GML: variants seen among roughly 807,000 people sequenced by gnomAD.
GML encodes glycosyl-phosphatidylinositol-anchored molecule-like protein.
GML carries 5 observed loss-of-function variants against 8.2 expected under a neutral mutation model. The ratio of observed to expected loss-of-function variants is 0.61; its 90% CI spans 0.32 to 1.28. GML has a LOEUF of 1.28. Among genes scored for constraint, GML ranks in the 50% most tolerant of loss-of-function variants. The probability of loss-of-function intolerance (pLI) is 0.06; values close to 1 mark genes in which losing one functional copy is unlikely to be tolerated. For missense variants in GML, 191 were observed against 198.3 expected (o/e 0.96, Z 0.22); for synonymous variants, 72 against 69.0 (o/e 1.04, Z -0.22).
intron 1 of GML, among the ~76,000 whole-genome samples, chr8:142,838,686 C>T (rs1039866552): frequency 2.0e-5 from 3 of 152,130 alleles, no homozygotes; most frequent in African/African-American, 7.2e-5. Flanking sequence ...TTTTCTAGCC[C>T]ACTCTGCTTC....
intron 3 of GML, among the ~76,000 whole-genome samples, chr8:142,846,005 T>C (rs1193495985): frequency 6.6e-6 from 1 of 152,236 alleles, no homozygotes; most frequent in East Asian, 1.9e-4. Context: ...AAGGTCCATG[T>C]GATCTCTAGA....
intron 1 of GML, among the ~76,000 whole-genome samples, chr8:142,838,369 G>A (rs1292511834): frequency 6.6e-6 from 1 of 152,096 alleles, no homozygotes; most frequent in Non-Finnish European, 1.5e-5. Context: ...TGTGCCTCTG[G>A]TTATCTGTGG....
intron 3 of GML, among the ~76,000 whole-genome samples, 184 bp from the exon 4 acceptor site, chr8:142,846,211 A>G (rs1408031238): frequency 6.6e-6 from 1 of 152,224 alleles, no homozygotes; most frequent in Non-Finnish European, 1.5e-5. Context: ...TCTGGGAGTG[A>G]TGAGACCCGC....
intron 1 of GML, among the ~76,000 whole-genome samples, chr8:142,838,677 T>C (rs942497946): frequency 2.0e-5 from 3 of 152,200 alleles, no homozygotes; most frequent in African/African-American, 4.8e-5. Context: ...TGATCCACAT[T>C]TTCTAGCCCA....
At position 142,846,745 on chromosome 8, in the gene GML, C is replaced by A; in HGVS notation, c.*55C>A. The A allele has an allele frequency of 7.5e-7, 1 of 1,326,210 alleles. No homozygotes were observed. Among genetic ancestry groups the A allele is most frequent in the Non-Finnish European group, 1.1e-6 (1 of 935,140 alleles). 82.2% of individuals were successfully genotyped at this position (1,326,210 alleles called of 1,614,324 possible). On this transcript the variant is annotated 3_prime_UTR_variant, in exon 4 of 4. Coordinates refer to ENST00000220940, the MANE Select transcript of GML (RefSeq NM_002066.3). Reference sequence around the variant, plus strand: ...TCACCTGTTCCGCAGAGAAATGTTGCTCTCCATTATTCCCTTCTAAGCCAG... The same window carrying A: ...TCACCTGTTCCGCAGAGAAATGTTGATCTCCATTATTCCCTTCTAAGCCAG...
intron 1 of GML, among the ~76,000 whole-genome samples, chr8:142,838,949 T>C (rs1172619138): frequency 6.6e-6 from 1 of 152,160 alleles, no homozygotes. Context: ...TGGAAATCAG[T>C]GAACACACTT....
At position 142,837,120 on chromosome 8, in the gene GML, C is replaced by A. The variant is rs564899460; in HGVS notation, c.-23+2252C>A. ...ACCAGCGTGGCCAACATAGTGAAAC[C>A]CCGTCTCTACTAAAAATACAAAAAT... On this transcript the variant is annotated intron_variant, in intron 1 of 3. Coordinates refer to ENST00000220940, the MANE Select transcript of GML (RefSeq NM_002066.3). 3.7e-3 allele frequency among the ~76,000 whole-genome samples: 561 copies of A among 151,772 alleles called. 1 individual carries two copies. The highest frequency in any genetic ancestry group is 0.013 in the African/African-American group (525 of 41,208).
At chr8:142,843,520 G>A (rs1303766180) in intron 3 of GML, among the ~76,000 whole-genome samples, 2 of 152,180 alleles carry the variant, frequency 1.3e-5, no homozygotes, top group East Asian at 1.9e-4. Flanking sequence ...AGGTAGTTCA[G>A]TTAGGCAAGA....
At chr8:142,840,816 C>A (rs1166937185) in intron 2 of GML, among the ~76,000 whole-genome samples, 1 of 152,144 alleles carries the variant, frequency 6.6e-6, no homozygotes, top group African/African-American at 2.4e-5. Context: ...TGTGAGTATC[C>A]AGTCTTCCTT....
Position 142,846,607 on chromosome 8 carries a change from C to T in GML, c.394C>T (p.Leu132Phe). ...ACCCGATGAAGTAACTGAGGAGGAG[C>T]TTCCAGAAGGAACTGTGAGGCTGGG... ...MLPDEVTEEE[L>F]PEGTVRLGVS... is the part of the protein sequence containing the mutation. Residue 132 changes from leucine to phenylalanine, a missense_variant, in exon 4 of 4, where the codon CTT becomes TTT. Leu to Phe is a conservative substitution (Grantham distance 22). Coordinates refer to ENST00000220940, the MANE Select transcript of GML (RefSeq NM_002066.3). The T allele has an allele frequency of 3.7e-6, 6 of 1,613,846 alleles. No homozygotes were observed. Among genetic ancestry groups the T allele is most frequent in the South Asian group, 1.1e-5 (1 of 91,078 alleles).
intron 3 of GML, among the ~76,000 whole-genome samples, chr8:142,841,750 C>T (rs1382086091): frequency 6.6e-6 from 1 of 152,156 alleles, no homozygotes. Flanking sequence ...TGCCCTCTCT[C>T]CCCAGGGCCC....
chr8:142,841,384 A>G (rs1816432940), intron 3 of GML, among the ~76,000 whole-genome samples, 159 bp downstream of exon 3: 1 of 152,070 alleles, frequency 6.6e-6, no homozygotes, highest in Non-Finnish European at 1.5e-5. Flanking sequence ...CTTTGGTCTC[A>G]GCCTCATGAT....
chr8:142,846,622 G>T lies in GML; in HGVS notation c.409G>T (p.Val137Leu). 6.2e-7 allele frequency: 1 copy of T among 1,614,056 alleles called. No homozygotes were observed. The highest frequency in any genetic ancestry group is 2.2e-5 in the East Asian group (1 of 44,876). The change falls in exon 4 of 4, where the codon GTG becomes TTG. Residue 137 changes from valine (V) to leucine (L), a missense_variant. Val to Leu is a conservative substitution (Grantham distance 32). Transcript: ENST00000220940. ...TGAGGAGGAGCTTCCAGAAGGAACT[G>T]TGAGGCTGGGGGTATCAAAACTGTT... ...VTEEELPEGT[V>L]RLGVSKLLLS...
intron 1 of GML, among the ~76,000 whole-genome samples, chr8:142,839,446 T>C: frequency 6.6e-6 from 1 of 152,222 alleles, no homozygotes; most frequent in Non-Finnish European, 1.5e-5. Flanking sequence ...GTGTGGCTTC[T>C]TGCTGCACAG....
At chr8:142,842,642 C>T (rs563414081) in intron 3 of GML, among the ~76,000 whole-genome samples, 51 of 152,326 alleles carry the variant, frequency 3.3e-4, no homozygotes, top group African/African-American at 1.2e-3. Context: ...ATCTGTCCTC[C>T]TTCATGTCCA....
In GML at chr8:142,846,666, CAT is replaced by C; in HGVS notation, c.455_456del (p.Ile152SerfsTer15). The C allele has an allele frequency of 1.2e-6, 2 of 1,613,870 alleles. No individual in the cohort carries two copies. Among genetic ancestry groups the C allele is most frequent in the Non-Finnish European group, 1.7e-6 (2 of 1,179,808 alleles). Reference protein sequence around the residue: ...SKLLLSFASIIVSNILP With the variant: ...SKLLLSFASIXVSNILP The stretch of plus-strand genomic sequence containing the variant: ...AACTGTTGCTGAGTTTTGCCTCTAT[CAT>C]AGTCAGCAATATATTGCCATGAGGA... On this transcript the variant is annotated frameshift_variant, in exon 4 of 4. Coordinates refer to ENST00000220940, the MANE Select transcript of GML (RefSeq NM_002066.3). LOFTEE classifies it high-confidence loss of function.
intron 1 of GML, among the ~76,000 whole-genome samples, chr8:142,838,856 G>A (rs1235026941): frequency 1.3e-5 from 2 of 152,170 alleles, no homozygotes; most frequent in African/African-American, 2.4e-5. Context: ...AAATCATACA[G>A]TTACTGTGGA....
intron 3 of GML, among the ~76,000 whole-genome samples, chr8:142,843,934 TTCAG>T (rs1277252408): frequency 6.6e-6 from 1 of 152,188 alleles, no homozygotes; most frequent in Non-Finnish European, 1.5e-5. Flanking sequence ...CCAAAAGAAT[TTCAG>T]TCAAAGTCTC....
intron 1 of GML, among the ~76,000 whole-genome samples, chr8:142,839,719 G>A (rs1563858483): frequency 6.6e-6 from 1 of 152,190 alleles, no homozygotes; most frequent in Admixed American, 6.5e-5. Context: ...TTGGGTCCCT[G>A]CGAGAAAATG....
Sources: gnomAD v4.1 joint callset for allele counts (sites outside exome capture counted in the v4.1 genomes callset) on GRCh38, gnomAD v4.1.1 for gene constraint, MANE v1.5 for transcripts, NCBI Gene and HGNC (gene_info 2026-07-23, HGNC 2026-07-21) for gene names.